Variants in MAST4 observed in about 807,000 individuals in gnomAD.
MAST4 encodes microtubule associated serine/threonine kinase family member 4, also known as microtubule-associated serine/threonine-protein kinase 4.
A neutral mutation model predicts 162.7 loss-of-function variants in MAST4; 89 were observed. The observed-to-expected ratio is 0.55, with a 90% confidence interval of 0.46 to 0.65. The LOEUF is 0.65. Ranked by LOEUF, MAST4 falls within the 30% of genes least tolerant of loss-of-function variation. MAST4 has a pLI of 0.00. For synonymous variants in MAST4, 1,479 were observed against 1,361.1 expected (o/e 1.09, Z -1.91); for missense variants, 3,153 against 3,374.0 (o/e 0.93, Z 1.62).
Position 67,165,433 on chromosome 5 carries a change from C to G in MAST4, c.6254C>G (p.Ala2085Gly), listed in dbSNP as rs370706447. Residue 2085 changes from alanine to glycine, a missense_variant, in exon 29 of 29, where the codon GCG becomes GGG. Around this residue, in one of 7 missense-constraint regions of MAST4, gnomAD observed 1,644 missense variants for 1,495.0 expected, o/e 1.10. Transcript: ENST00000403625. ...VRRGVEPKPEALLARRSLQPP... is the reference protein window; with the variant it reads ...VRRGVEPKPEGLLARRSLQPP... ...CGTGGCGTGGAACCCAAGCCCGAAG[C>G]GCTTCTTGCCAGGCGGTCTCTGCAG... is the stretch of plus-strand genomic sequence containing the variant. The G allele has an allele frequency of 4.3e-6, 7 of 1,613,886 alleles. No homozygotes were observed. The highest frequency in any genetic ancestry group is 5.9e-6 in the Non-Finnish European group (7 of 1,179,902).
intron 3 of MAST4, among the ~76,000 whole-genome samples, chr5:66,834,836 C>T (rs1580580778): frequency 6.6e-6 from 1 of 152,140 alleles, no homozygotes; most frequent in African/African-American, 2.4e-5. Context: ...ACATGGCGCT[C>T]CTTTGAATCA....
intron 4 of MAST4, among the ~76,000 whole-genome samples, chr5:66,933,653 C>G (rs1742409000): frequency 6.6e-6 from 1 of 152,152 alleles, no homozygotes; most frequent in Admixed American, 6.6e-5. Flanking sequence ...CTGCCTGACA[C>G]TTGTTCATTA....
intron 9 of MAST4, 79 bp from the exon 10 acceptor site, chr5:67,104,287 T>C: frequency 2.7e-6 from 3 of 1,125,816 alleles, no homozygotes; most frequent in Non-Finnish European, 4.0e-6. Flanking sequence ...CTGAAAATGC[T>C]GTAAAAATGT....
intron 1 of MAST4, among the ~76,000 whole-genome samples, chr5:66,714,354 G>A (rs1220868012): frequency 6.6e-6 from 1 of 152,148 alleles, no homozygotes; most frequent in Non-Finnish European, 1.5e-5. Flanking sequence ...TGTCCATTAG[G>A]TTTTGGTGTT....
At chr5:66,863,861 C>T (rs1760291411) in intron 3 of MAST4, among the ~76,000 whole-genome samples, 1 of 152,176 alleles carries the variant, frequency 6.6e-6, no homozygotes, top group Admixed American at 6.5e-5. Flanking sequence ...AAGCAGCTTC[C>T]TCCCTTTCCT....
intron 4 of MAST4, chr5:66,930,847 A>G: frequency 2.1e-6 from 1 of 467,040 alleles, no homozygotes; most frequent in Non-Finnish European, 4.4e-6. Flanking sequence ...GAGGAAGGAG[A>G]AGCAGAGATG....
At chr5:66,884,927 A>C (rs751806162) in intron 3 of MAST4, among the ~76,000 whole-genome samples, 26 of 152,178 alleles carry the variant, frequency 1.7e-4, no homozygotes, top group Non-Finnish European at 3.2e-4. Flanking sequence ...GTCTTCCCCC[A>C]TATACCTCTG....
chr5:66,601,203 A>T (rs1742531813), intron 1 of MAST4, among the ~76,000 whole-genome samples: 1 of 152,232 alleles, frequency 6.6e-6, no homozygotes, highest in South Asian at 2.1e-4. Flanking sequence ...ATATTTTATT[A>T]ATCACAGAAG....
At chr5:66,996,658 T>C (rs1750690411) in intron 4 of MAST4, among the ~76,000 whole-genome samples, 2 of 152,200 alleles carry the variant, frequency 1.3e-5, no homozygotes, top group African/African-American at 4.8e-5. Context: ...CTGCATTCCT[T>C]GCAGTTTTTT....
intron 1 of MAST4, among the ~76,000 whole-genome samples, chr5:66,703,470 G>T (rs1214062538): frequency 6.6e-6 from 1 of 152,122 alleles, no homozygotes; most frequent in African/African-American, 2.4e-5. Flanking sequence ...TAGGGATAGG[G>T]AATGGGAGTA....
At chr5:66,629,072 G>T (rs1445177248) in intron 1 of MAST4, among the ~76,000 whole-genome samples, 1 of 152,118 alleles carries the variant, frequency 6.6e-6, no homozygotes, top group Non-Finnish European at 1.5e-5. Flanking sequence ...TCATGATATT[G>T]TCATCTTCAT....
intron 6 of MAST4, among the ~76,000 whole-genome samples, chr5:67,093,208 A>G (rs1764057456): frequency 6.6e-6 from 1 of 152,104 alleles, no homozygotes; most frequent in African/African-American, 2.4e-5. Flanking sequence ...TGTTCCCATC[A>G]GATGTTTTTC....
At chr5:67,113,764 G>C (rs546308254) in intron 11 of MAST4, among the ~76,000 whole-genome samples, 114 of 152,242 alleles carry the variant, frequency 7.5e-4, no homozygotes, top group African/African-American at 2.4e-3. Flanking sequence ...TGCTAGAAAG[G>C]CACAATTAAA....
intron 4 of MAST4, chr5:66,917,011 G>A: frequency 1.4e-6 from 1 of 717,964 alleles, no homozygotes; most frequent in Non-Finnish European, 2.6e-6. Flanking sequence ...GAATTGCTTG[G>A]TCAAACGGTA....
At chr5:66,937,876 C>T (rs1194390705) in intron 4 of MAST4, among the ~76,000 whole-genome samples, 2 of 151,816 alleles carry the variant, frequency 1.3e-5, no homozygotes, top group African/African-American at 4.8e-5. Flanking sequence ...TTTTCTTTTC[C>T]TTGTAGTTAA....
At chr5:66,770,251 A>T (rs1434416629) in intron 2 of MAST4, among the ~76,000 whole-genome samples, 1 of 152,202 alleles carries the variant, frequency 6.6e-6, no homozygotes, top group Non-Finnish European at 1.5e-5. Context: ...TTTGTTTGCT[A>T]TCTAGGTGTT....
chr5:67,158,989 G>A (rs771163700), intron 26 of MAST4, among the ~76,000 whole-genome samples: 14 of 152,186 alleles, frequency 9.2e-5, no homozygotes, highest in Non-Finnish European at 1.3e-4. Context: ...AGCCGAGATC[G>A]TGCCATTGCA....
chr5:66,835,926 T>C (rs564310729), intron 3 of MAST4, among the ~76,000 whole-genome samples: 2 of 152,210 alleles, frequency 1.3e-5, no homozygotes. Context: ...TCCCAACATT[T>C]TGGGAGGCCG....
intron 5 of MAST4, among the ~76,000 whole-genome samples, chr5:67,069,287 G>GAGATATATATATATATATATATAT (rs138978370): frequency 2.8e-5 from 3 of 107,644 alleles, no homozygotes; most frequent in African/African-American, 1.2e-4. Flanking sequence ...GAGGAGATTG[G>GAGATATATATATATATATATATAT]ATATATATAT....
Sources: gnomAD v4.1 joint callset for allele counts (sites outside exome capture counted in the v4.1 genomes callset) on GRCh38, gnomAD v4.1.1 for gene constraint, gnomAD v4.1.1 regional missense constraint, MANE v1.5 for transcripts, NCBI Gene and HGNC (gene_info 2026-07-23, HGNC 2026-07-21) for gene names.